Variants in NMNAT1 observed in about 807,000 individuals in gnomAD.
NMNAT1 encodes nicotinamide/nicotinic acid mononucleotide adenylyltransferase 1.
A neutral mutation model predicts 16.7 loss-of-function variants in NMNAT1; 11 were observed. The observed-to-expected ratio is 0.66, with a 90% CI of 0.41 to 1.09. The LOEUF (loss-of-function observed/expected upper bound fraction) is 1.09. Ranked by LOEUF, NMNAT1 falls within the 50% of genes least tolerant of loss-of-function variation. The pLI is 0.00. For synonymous variants in NMNAT1, 110 were observed against 119.8 expected, an observed-to-expected ratio of 0.92 and a Z score of 0.53; for missense variants, 280 against 332.3, an observed-to-expected ratio of 0.84 and a Z score of 1.22.
At chr1:9,995,369 A>C in the NMNAT1 span, among the ~76,000 whole-genome samples, 1 of 152,118 alleles carries the variant, frequency 6.6e-6, no homozygotes, top group Non-Finnish European at 1.5e-5. Flanking sequence ...ACTGCACTCC[A>C]GCCTAGGCAA....
chr1:9,959,425 A>G (rs932305942), intron 1 of NMNAT1, among the ~76,000 whole-genome samples: 2 of 149,814 alleles, frequency 1.3e-5, no homozygotes, highest in African/African-American at 4.9e-5. Flanking sequence ...ACTCACGCCT[A>G]TAATCCTAGC....
chr1:9,987,285 G>A (rs1642056683), downstream of NMNAT1, among the ~76,000 whole-genome samples: 1 of 152,098 alleles, frequency 6.6e-6, no homozygotes, highest in South Asian at 2.1e-4. Context: ...AAGACAGGAG[G>A]AGCACTTGAG....
At chr1:9,974,105 T>C (rs1284033311) in intron 2 of NMNAT1, among the ~76,000 whole-genome samples, 2 of 152,164 alleles carry the variant, frequency 1.3e-5, no homozygotes, top group Non-Finnish European at 2.9e-5. Flanking sequence ...CCCAAAGTGC[T>C]GGAATTACAG....
At chr1:9,963,960 C>T (rs1187332103) in intron 1 of NMNAT1, among the ~76,000 whole-genome samples, 1 of 151,444 alleles carries the variant, frequency 6.6e-6, no homozygotes, top group African/African-American at 2.4e-5. Context: ...GGCGTGATCT[C>T]AGCTCACTGC....
At position 9,982,916 on chromosome 1, in the gene NMNAT1, GC is replaced by G; in HGVS notation, c.*217del. ...GGGTCAAGAGATCGAGACCATCCTG[GC>G]CAATATGGTGAAACCCCATCTCTAC... On this transcript the variant is annotated 3_prime_UTR_variant, in exon 5 of 5. Transcript: ENST00000377205. The G allele has an allele frequency of 2.3e-6, 1 of 436,868 alleles. No homozygotes were observed. Among genetic ancestry groups the G allele is most frequent in the East Asian group, 4.6e-5 (1 of 21,918 alleles). The allele number at this position is 436,868 out of a possible 1,614,324, so 27.1% of individuals were successfully genotyped here. A position where few individuals can be genotyped will look rare whatever the true frequency, so the allele number is the denominator to read the frequency against.
rs898561718 is a variant in NMNAT1, at chr1:9,981,056, A to G, written c.325A>G (p.Ser109Gly). ...ACACCATCAAGAGAAATTGGAGGCT[A>G]GTGACTGTGATCACCAGCAGAACTC... is the stretch of plus-strand genomic sequence containing the variant. ...LRHHQEKLEA[S>G]DCDHQQNSPT... The change falls in exon 4 of 5, where the codon AGT (serine) becomes GGT (glycine). Residue 109 changes from serine to glycine, a missense_variant. By Grantham distance (56) the Ser-to-Gly change is moderately conservative. Transcript: ENST00000377205. 4 of 1,610,330 alleles carry G rather than the reference A, an allele frequency of 2.5e-6. No individual in the cohort carries two copies. In the African/African-American group the frequency reaches 5.4e-5, roughly 22 times the overall value.
At chr1:9,979,879 C>G (rs1641903053) in intron 3 of NMNAT1, among the ~76,000 whole-genome samples, 1 of 151,846 alleles carries the variant, frequency 6.6e-6, no homozygotes, top group African/African-American at 2.4e-5. Context: ...TGTAAGCCTC[C>G]TTTCTCCTTC....
intron 1 of NMNAT1, among the ~76,000 whole-genome samples, chr1:9,964,588 A>C (rs1390064053): frequency 3.3e-5 from 5 of 151,976 alleles, no homozygotes; most frequent in African/African-American, 1.2e-4. Context: ...GTTTTTGTAA[A>C]CCAAAAGTAG....
chr1:9,975,193 A>G (rs1161222850), intron 2 of NMNAT1, among the ~76,000 whole-genome samples: 1 of 152,118 alleles, frequency 6.6e-6, no homozygotes, highest in Admixed American at 6.6e-5. Flanking sequence ...CTAAAGAAAG[A>G]GAATCTGTGA....
intron 1 of NMNAT1, chr1:9,950,513 G>A (rs1015658291): frequency 5.3e-5 from 8 of 152,280 alleles, no homozygotes; most frequent in African/African-American, 1.9e-4. Context: ...GTGCTGCTGG[G>A]ACAGGCCCAG....
At chr1:9,943,654 TTTGA>T (rs1165080301) in intron 1 of NMNAT1, 139 bp downstream of exon 1, 2 of 152,230 alleles carry the variant, frequency 1.3e-5, no homozygotes, top group African/African-American at 2.4e-5. Context: ...GGCAAGGAGC[TTTGA>T]TTGACCCTTA....
At chr1:9,966,534 A>G (rs982473282) in intron 1 of NMNAT1, among the ~76,000 whole-genome samples, 1 of 151,754 alleles carries the variant, frequency 6.6e-6, no homozygotes, top group African/African-American at 2.4e-5. Flanking sequence ...AATCGCTTGA[A>G]CCCAGGAGAT....
intron 1 of NMNAT1, among the ~76,000 whole-genome samples, chr1:9,963,676 G>GGA (rs1641477521): frequency 6.6e-6 from 1 of 151,854 alleles, no homozygotes; most frequent in Non-Finnish European, 1.5e-5. Context: ...CAAAGTGCTG[G>GGA]GATTACAGGC....
chr1:9,992,030 C>T, the NMNAT1 span, among the ~76,000 whole-genome samples: 1 of 151,358 alleles, frequency 6.6e-6, no homozygotes, highest in Non-Finnish European at 1.5e-5. Context: ...GCCTGGGTGA[C>T]AAAGCGAGAC....
At chr1:9,946,833 A>G (rs1640991879) in intron 1 of NMNAT1, among the ~76,000 whole-genome samples, 1 of 152,194 alleles carries the variant, frequency 6.6e-6, no homozygotes, top group Non-Finnish European at 1.5e-5. Flanking sequence ...AGGACTAGCA[A>G]GAAGGTGGCC....
chr1:9,953,431 C>T (rs1641167326), intron 1 of NMNAT1, among the ~76,000 whole-genome samples: 1 of 145,132 alleles, frequency 6.9e-6, no homozygotes, highest in African/African-American at 2.5e-5. Context: ...CCTGCACCAC[C>T]ACACCCAGCT....
Position 9,972,201 on chromosome 1 carries a change from AC to A in NMNAT1, c.115+15del. ...ATGAATGGAACAGGTAGGAGCAGTA[AC>A]CAAAAGTGGCTTAAGACTAGAGAAC... On this transcript the variant is annotated intron_variant, in intron 2 of 4. Transcript: ENST00000377205. 6.8e-7 allele frequency: 1 copy of A among 1,469,912 alleles called. No individual in the cohort carries two copies. Among genetic ancestry groups the A allele is most frequent in the Non-Finnish European group, 9.5e-7 (1 of 1,050,586 alleles). The allele number at this position is 1,469,912 out of a possible 1,614,324, so 91.1% of individuals were successfully genotyped here.
chr1:9,969,289 TGG>T (rs1212994392), intron 1 of NMNAT1, among the ~76,000 whole-genome samples: 1 of 152,050 alleles, frequency 6.6e-6, no homozygotes, highest in Admixed American at 6.6e-5. Flanking sequence ...GATAATCTGT[TGG>T]GGAAATGAGT....
downstream of NMNAT1, among the ~76,000 whole-genome samples, chr1:9,986,022 A>G (rs944997661): frequency 2.0e-5 from 3 of 152,110 alleles, no homozygotes; most frequent in Non-Finnish European, 4.4e-5. Context: ...AGGGATGATC[A>G]CTGTCCCCTT....
Sources: gnomAD v4.1 joint callset for allele counts (sites outside exome capture counted in the v4.1 genomes callset) on GRCh38, gnomAD v4.1.1 for gene constraint, MANE v1.5 for transcripts, NCBI Gene and HGNC (gene_info 2026-07-23, HGNC 2026-07-21) for gene names.